The following OPHN1 variants were observed in gnomAD, a reference collection of about 807,000 sequenced individuals.
OPHN1 encodes the protein oligophrenin-1.
In OPHN1, 11 loss-of-function variants were observed where a neutral mutation model predicts 60.7. The observed-to-expected ratio is 0.18, with a 90% CI of 0.11 to 0.30. The LOEUF is 0.30. OPHN1 is among the 10% of genes least tolerant of loss of function. The pLI, the probability that OPHN1 is intolerant of heterozygous loss-of-function variation, is 1.00. For synonymous variants in OPHN1, 226 were observed against 222.6 expected (o/e 1.02, Z -0.14); for missense variants, 449 against 611.0 (o/e 0.73, Z 2.80).
intron 2 of OPHN1, among the ~76,000 whole-genome samples, chrX:68,335,206 C>T (rs1249700455): frequency 9.2e-6 from 1 of 108,416 alleles, no homozygotes; most frequent in African/African-American, 3.4e-5. Context: ...AACGAAGATA[C>T]GTTAGGTGCC....
intron 5 of OPHN1, among the ~76,000 whole-genome samples, chrX:68,245,605 A>G (rs1433596642): frequency 9.0e-6 from 1 of 111,198 alleles, no homozygotes. Flanking sequence ...CTGTCATGTC[A>G]ATGTGGCTAC....
chrX:68,358,682 T>C (rs964924095), intron 2 of OPHN1, among the ~76,000 whole-genome samples: 1 of 112,241 alleles, frequency 8.9e-6, no homozygotes, highest in African/African-American at 3.2e-5. Flanking sequence ...TTGTCAAATA[T>C]CTAGTTTTGT....
intron 15 of OPHN1, among the ~76,000 whole-genome samples, chrX:68,160,954 C>T (rs769781138): frequency 1.6e-4 from 18 of 110,113 alleles, no homozygotes; most frequent in East Asian, 2.8e-4. Flanking sequence ...ACATAATTAA[C>T]GAAATATGAA....
At chrX:68,189,198 C>G (rs1002341928) in intron 15 of OPHN1, among the ~76,000 whole-genome samples, 1 of 111,410 alleles carries the variant, frequency 9.0e-6, no homozygotes, top group Non-Finnish European at 1.9e-5. Flanking sequence ...CATGCCCCAT[C>G]TCACCCATCT....
chrX:68,121,435 C>G (rs1290054855), intron 15 of OPHN1, among the ~76,000 whole-genome samples: 1 of 111,617 alleles, frequency 9.0e-6, no homozygotes, highest in Non-Finnish European at 1.9e-5. Flanking sequence ...TCCGTGCTAC[C>G]CTGTCACATG....
At position 68,082,377 on chromosome X, in the gene OPHN1, T is replaced by C. The variant is rs774055638; in HGVS notation, c.1687-9078A>G. Among the ~76,000 whole-genome samples the C allele has an allele frequency of 4.4e-5, 5 of 112,592 alleles. No homozygotes were observed. The South Asian group carries it at 1.8e-3, about 42-fold the overall frequency. ...CCCAGATTCATCAGAGGAATCACTA[T>C]CTATGGGATCTAAATCCTGATGAAA... is the stretch of plus-strand genomic sequence containing the variant. On this transcript the variant is annotated intron_variant, in intron 19 of 24. Coordinates refer to ENST00000355520, the MANE Select transcript of OPHN1 (RefSeq NM_002547.3).
chrX:68,147,135 G>A (rs767394687), intron 15 of OPHN1, among the ~76,000 whole-genome samples: 1 of 111,386 alleles, frequency 9.0e-6, no homozygotes, highest in South Asian at 3.8e-4. Flanking sequence ...AAGCTACAAC[G>A]GTTTCAAGGT....
chrX:68,270,570 C>T (rs1427712530), intron 5 of OPHN1, among the ~76,000 whole-genome samples: 1 of 80,494 alleles, frequency 1.2e-5, no homozygotes, highest in Non-Finnish European at 2.2e-5. Context: ...AGGGGAACAT[C>T]ACACACTGGG....
intron 11 of OPHN1, among the ~76,000 whole-genome samples, chrX:68,197,947 G>A (rs762914374): frequency 9.0e-6 from 1 of 111,184 alleles, no homozygotes; most frequent in Admixed American, 9.6e-5. Flanking sequence ...GAGGCACAGA[G>A]TAATTATCCA....
At chrX:68,243,899 T>C (rs2077793295) in intron 5 of OPHN1, among the ~76,000 whole-genome samples, 1 of 112,434 alleles carries the variant, frequency 8.9e-6, no homozygotes, top group African/African-American at 3.2e-5. Flanking sequence ...ATGCATGTAA[T>C]GTGCTTATCA....
At chrX:68,400,370 C>G (rs968566592) in intron 2 of OPHN1, among the ~76,000 whole-genome samples, 1 of 111,029 alleles carries the variant, frequency 9.0e-6, no homozygotes, top group Non-Finnish European at 1.9e-5. Context: ...GAGCCAGGTA[C>G]TGTGCTAATC....
intron 15 of OPHN1, among the ~76,000 whole-genome samples, chrX:68,157,421 T>C (rs950710288): frequency 8.9e-6 from 1 of 112,126 alleles, no homozygotes; most frequent in Non-Finnish European, 1.9e-5. Flanking sequence ...AATCATGTCC[T>C]TTGCAGCAAC....
chrX:68,202,685 C>T (rs1485867793), intron 10 of OPHN1, among the ~76,000 whole-genome samples: 3 of 108,878 alleles, frequency 2.8e-5, no homozygotes, highest in South Asian at 4.2e-4. Flanking sequence ...TTAGTAGAGA[C>T]GGGATTTCAC....
At chrX:68,414,010 T>C (rs910699135) in intron 2 of OPHN1, among the ~76,000 whole-genome samples, 10 of 111,596 alleles carry the variant, frequency 9.0e-5, no homozygotes, top group African/African-American at 3.3e-4. Flanking sequence ...TCTGTCTCTC[T>C]TAATCCTTAG....
At chrX:68,169,733 G>C (rs1352827819) in intron 15 of OPHN1, among the ~76,000 whole-genome samples, 1 of 108,150 alleles carries the variant, frequency 9.2e-6, no homozygotes, top group African/African-American at 3.4e-5. Flanking sequence ...GCCATATGTA[G>C]AAAGCTGAAA....
intron 2 of OPHN1, among the ~76,000 whole-genome samples, chrX:68,302,234 C>T (rs749475584): frequency 1.8e-5 from 2 of 112,105 alleles, no homozygotes; most frequent in Admixed American, 9.5e-5. Flanking sequence ...TTCATTTCTC[C>T]AATGCATGGG....
intron 19 of OPHN1, among the ~76,000 whole-genome samples, chrX:68,090,290 A>G (rs2077012527): frequency 9.3e-6 from 1 of 107,655 alleles, no homozygotes; most frequent in African/African-American, 3.3e-5. Context: ...AGGTAGATAT[A>G]GAGATACATT....
At position 68,432,851 on chromosome X, in the gene OPHN1, G is replaced by A. The variant is rs745629541; in HGVS notation, c.154+16C>T. ...CACCAGCTCAGAGAAACAGCTCATC[G>A]AAGCCTTGCACTTACTTCTCATAGC... On this transcript the variant is annotated intron_variant, in intron 2 of 24. Coordinates refer to ENST00000355520, the MANE Select transcript of OPHN1 (RefSeq NM_002547.3). 1.7e-5 allele frequency: 21 copies of A among 1,209,106 alleles called. No individual in the cohort carries two copies. The highest frequency in any genetic ancestry group is 2.1e-5 in the Non-Finnish European group (19 of 894,182).
chrX:68,251,762 C>T (rs963948016), intron 5 of OPHN1, among the ~76,000 whole-genome samples: 1 of 111,408 alleles, frequency 9.0e-6, no homozygotes, highest in African/African-American at 3.3e-5. Flanking sequence ...CCATAAGGAT[C>T]TTCCCACTAC....
Sources: gnomAD v4.1 joint callset for allele counts (sites outside exome capture counted in the v4.1 genomes callset) on GRCh38, gnomAD v4.1.1 for gene constraint, MANE v1.5 for transcripts, NCBI Gene and HGNC (gene_info 2026-07-23, HGNC 2026-07-21) for gene names.